The following DHRSX variants were observed in gnomAD, a reference collection of about 807,000 sequenced individuals.
DHRSX encodes polyprenol dehydrogenase.
In DHRSX, 31 loss-of-function variants were observed where a neutral mutation model predicts 34.0. The observed-to-expected ratio is 0.91, with a 90% CI of 0.69 to 1.23. The LOEUF is 1.23. Among genes scored for constraint, DHRSX ranks in the 50% most tolerant of loss-of-function variants. The pLI, the probability that DHRSX is intolerant of heterozygous loss-of-function variation, is 0.00. For missense variants in DHRSX, 414 were observed against 428.1 expected, an observed-to-expected ratio of 0.97 and a Z score of 0.29; for synonymous variants, 201 against 183.8, an observed-to-expected ratio of 1.09 and a Z score of -0.76.
At chrX:2,291,703 G>A in intron 3 of DHRSX, 100 bp from the exon 4 acceptor site, 1 of 828,074 alleles carries the variant, frequency 1.2e-6, no homozygotes, top group Non-Finnish European at 2.0e-6. Context: ...CATCTAGGAA[G>A]TAACACTTTT....
At chrX:2,395,314 A>G (rs1392219197) in intron 3 of DHRSX, among the ~76,000 whole-genome samples, 4 of 152,114 alleles carry the variant, frequency 2.6e-5, no homozygotes, top group Non-Finnish European at 5.9e-5. Flanking sequence ...ATCAGCACCC[A>G]ACACACCTCG....
At chrX:2,264,709 G>C (rs1307343849) in intron 5 of DHRSX, among the ~76,000 whole-genome samples, 1 of 150,310 alleles carries the variant, frequency 6.7e-6, no homozygotes, top group Non-Finnish European at 1.5e-5. Context: ...AGTAGACACA[G>C]AGAGCAGTGT....
At chrX:2,240,074 C>A (rs1279458756) in intron 6 of DHRSX, among the ~76,000 whole-genome samples, 1 of 151,924 alleles carries the variant, frequency 6.6e-6, no homozygotes, top group East Asian at 1.9e-4. Context: ...GGGCGGATCA[C>A]CCGAAGTCAG....
intron 1 of DHRSX, among the ~76,000 whole-genome samples, chrX:2,500,028 AAAT>A (rs1205051124): frequency 6.6e-6 from 1 of 152,120 alleles, no homozygotes; most frequent in Admixed American, 6.5e-5. Context: ...CTATTACAAA[AAAT>A]AATAATAATA....
chrX:2,243,797 T>TGTTTTGTTTTG, intron 5 of DHRSX, among the ~76,000 whole-genome samples: 1 of 67,174 alleles, frequency 1.5e-5, no homozygotes, highest in Admixed American at 1.6e-4. Context: ...TGTTTTTTTT[T>TGTTTTGTTTTG]TTTTTTTTTT....
intron 4 of DHRSX, among the ~76,000 whole-genome samples, chrX:2,269,698 G>A (rs1485085751): frequency 6.6e-6 from 1 of 152,042 alleles, no homozygotes; most frequent in Non-Finnish European, 1.5e-5. Context: ...CACCACACGT[G>A]GCTAAATTTT....
At chrX:2,467,301 T>C (rs1488481580) in intron 1 of DHRSX, among the ~76,000 whole-genome samples, 5 of 151,866 alleles carry the variant, frequency 3.3e-5, no homozygotes, top group Middle Eastern at 3.2e-3. Flanking sequence ...TCTGGCTCCG[T>C]CACTGATCAA....
At chrX:2,314,195 G>A (rs1438146919) in intron 3 of DHRSX, among the ~76,000 whole-genome samples, 45 of 82,390 alleles carry the variant, frequency 5.5e-4, no homozygotes, top group African/African-American at 2.2e-3. Flanking sequence ...GAGGGAAGGA[G>A]GGAAGGAAGA....
chrX:2,307,441 G>A (rs1468522540), intron 3 of DHRSX, among the ~76,000 whole-genome samples: 4 of 151,914 alleles, frequency 2.6e-5, no homozygotes, highest in African/African-American at 4.8e-5. Flanking sequence ...AAAGCTGCAC[G>A]TGTACCTCAT....
chrX:2,287,637 C>T (rs1411409421), intron 4 of DHRSX, among the ~76,000 whole-genome samples: 2 of 152,038 alleles, frequency 1.3e-5, no homozygotes, highest in Non-Finnish European at 2.9e-5. Context: ...GAATAATGGC[C>T]CCAAAGATGT....
At chrX:2,485,279 G>A (rs190971253) in intron 1 of DHRSX, among the ~76,000 whole-genome samples, 2 of 152,194 alleles carry the variant, frequency 1.3e-5, no homozygotes, top group African/African-American at 4.8e-5. Flanking sequence ...TGAACATCAC[G>A]ATGCAAATGC....
chrX:2,312,246 G>A (rs2042172962), intron 3 of DHRSX, among the ~76,000 whole-genome samples: 1 of 152,090 alleles, frequency 6.6e-6, no homozygotes. Context: ...TTCGCTGGCT[G>A]GGAGAAGTTA....
chrX:2,319,539 T>C (rs1239482868), intron 3 of DHRSX, among the ~76,000 whole-genome samples: 1 of 66,428 alleles, frequency 1.5e-5, no homozygotes, highest in Non-Finnish European at 3.0e-5. Flanking sequence ...TGAGACTCCA[T>C]CTCAAAAAAA....
intron 3 of DHRSX, among the ~76,000 whole-genome samples, chrX:2,404,195 C>G (rs946812741): frequency 3.3e-5 from 5 of 152,074 alleles, no homozygotes; most frequent in Non-Finnish European, 5.9e-5. Context: ...AATGCAGATT[C>G]CAGGGCCCCG....
At chrX:2,357,353 AG>A (rs1304345275) in intron 3 of DHRSX, among the ~76,000 whole-genome samples, 2 of 152,128 alleles carry the variant, frequency 1.3e-5, no homozygotes, top group Non-Finnish European at 2.9e-5. Flanking sequence ...TTTCGTGCAA[AG>A]AAAAAAAAAA....
chrX:2,307,110 A>G (rs1011671922), intron 3 of DHRSX, among the ~76,000 whole-genome samples: 2 of 152,058 alleles, frequency 1.3e-5, no homozygotes, highest in African/African-American at 2.4e-5. Context: ...CTGCATATAT[A>G]CCGTAGAATA....
chrX:2,328,522 G>C (rs191153202), intron 3 of DHRSX, among the ~76,000 whole-genome samples: 174 of 151,556 alleles, frequency 1.1e-3, no homozygotes, highest in Non-Finnish European at 2.1e-3. Flanking sequence ...ATGGTATTCT[G>C]TGATAGCAGC....
rs368330507 is a variant in DHRSX, at chrX:2,265,568, T to A, written c.596+1172A>T. ...CCCCAGAGCACCAGTGCTCAGCAGA[T>A]GCAGGGAGCACTGTCCCCAGAGCAC... is the stretch of plus-strand genomic sequence containing the variant. On this transcript the variant is annotated intron_variant, in intron 5 of 6. Transcript: ENST00000334651. Among the ~76,000 whole-genome samples, 15 of 54,520 alleles carry A rather than the reference T, an allele frequency of 2.8e-4. No homozygotes were observed. The South Asian group carries it at 3.7e-3, about 14-fold the overall frequency. The allele number at this position is 54,520 out of a possible 152,430, so 35.8% of individuals were successfully genotyped here.
intron 3 of DHRSX, among the ~76,000 whole-genome samples, chrX:2,312,941 A>G (rs1391205459): frequency 6.6e-6 from 1 of 152,088 alleles, no homozygotes; most frequent in Non-Finnish European, 1.5e-5. Flanking sequence ...TGCAAGTCCA[A>G]AAGTCTTTGA....
Sources: allele counts gnomAD v4.1 joint callset (sites outside exome capture counted in the v4.1 genomes callset), GRCh38; gene constraint gnomAD v4.1.1; transcripts MANE v1.5; gene names NCBI Gene and HGNC (gene_info 2026-07-23, HGNC 2026-07-21).